The following LPL variants were observed in gnomAD, a reference collection of about 807,000 sequenced individuals.
LPL encodes phospholipase A1.
Under a neutral mutation model 52.2 loss-of-function variants are expected in LPL, and 43 were observed. The observed-to-expected ratio is 0.82, with a 90% CI of 0.64 to 1.06. The LOEUF is 1.06. LPL is among the 50% of genes least tolerant of loss of function. The pLI is 0.00. For missense variants in LPL, 639 were observed against 585.3 expected, an observed-to-expected ratio of 1.09 and a Z score of -0.95; for synonymous variants, 244 against 215.6, an observed-to-expected ratio of 1.13 and a Z score of -1.15.
chr8:19,955,006 C>T (rs144447637), intron 5 of LPL, among the ~76,000 whole-genome samples: 15 of 152,084 alleles, frequency 9.9e-5, no homozygotes, highest in Admixed American at 2.6e-4. Flanking sequence ...GCCCAGTTTA[C>T]GATTTATTTT....
chr8:19,955,546 A>C (rs577896687), intron 5 of LPL, among the ~76,000 whole-genome samples: 201 of 152,318 alleles, frequency 1.3e-3, no homozygotes, highest in Non-Finnish European at 2.4e-3. Flanking sequence ...ATAAACAAGG[A>C]AATCAACCTC....
intron 1 of LPL, among the ~76,000 whole-genome samples, chr8:19,947,019 T>A (rs1272516233): frequency 6.6e-6 from 1 of 152,126 alleles, no homozygotes; most frequent in Non-Finnish European, 1.5e-5. Context: ...TGTAATGACA[T>A]AGTGGGAAAA....
intron 9 of LPL, 53 bp downstream of exon 9, chr8:19,962,272 G>GTGCAAGCTC: frequency 7.2e-7 from 1 of 1,381,274 alleles, no homozygotes; most frequent in Non-Finnish European, 1.0e-6. Context: ...CACCCTAAGG[G>GTGCAAGCTC]AGGCAGCTTC....
intron 4 of LPL, 70 bp downstream of exon 4, chr8:19,953,491 C>A (rs2069952795): frequency 1.7e-6 from 2 of 1,209,872 alleles, no homozygotes; most frequent in Admixed American, 1.7e-5. Flanking sequence ...AGAATCAGAA[C>A]AAATTTTGTT....
chr8:19,958,315 C>A (rs2070005611), intron 6 of LPL, among the ~76,000 whole-genome samples: 1 of 152,138 alleles, frequency 6.6e-6, no homozygotes, highest in African/African-American at 2.4e-5. Context: ...AGCCACCATG[C>A]CTGGCCTCCA....
At position 19,953,365 on chromosome 8, in the gene LPL, C is replaced by T. The variant is rs2069951751; in HGVS notation, c.485C>T (p.Ala162Val). The change falls in exon 4 of 10, where the codon GCC (alanine) becomes GTC (valine). Residue 162 changes from alanine (A) to valine (V), a missense_variant. Physicochemically the swap from Ala to Val is moderately conservative, Grantham distance 64. Coordinates refer to ENST00000650287, the MANE Select transcript of LPL (RefSeq NM_000237.3). ...CATCTCTTGGGATACAGCCTTGGAG[C>T]CCATGCTGCTGGCATTGCAGGAAGT... ...NVHLLGYSLG[A>V]HAAGIAGSLT... 3 of 1,613,948 alleles carry T rather than the reference C, an allele frequency of 1.9e-6. No individual in the cohort carries two copies. The highest frequency in any genetic ancestry group is 2.5e-6 in the Non-Finnish European group (3 of 1,179,864).
In LPL at chr8:19,951,822, G is replaced by C; in HGVS notation, c.303G>C (p.Lys101Asn). 2 of 1,614,166 alleles carry C rather than the reference G, an allele frequency of 1.2e-6. No individual in the cohort carries two copies. Reference sequence around the variant, plus strand: ...CAAAACTTGTGGCCGCCCTGTACAAGAGAGAACCAGACTCCAATGTCATTG... The same window carrying C: ...CAAAACTTGTGGCCGCCCTGTACAACAGAGAACCAGACTCCAATGTCATTG... ...WVPKLVAALYKREPDSNVIVV... is the reference protein window; with the variant it reads ...WVPKLVAALYNREPDSNVIVV... The change falls in exon 3 of 10, where the codon AAG becomes AAC. Residue 101 changes from lysine (K) to asparagine (N), a missense_variant. Coordinates refer to ENST00000650287, the MANE Select transcript of LPL (RefSeq NM_000237.3).
At chr8:19,941,552 T>C (rs994481074) in intron 1 of LPL, among the ~76,000 whole-genome samples, 29 of 152,210 alleles carry the variant, frequency 1.9e-4, no homozygotes, top group Non-Finnish European at 1.0e-4. Flanking sequence ...ATTAGTTTAA[T>C]TGAGTTGTAG....
intron 5 of LPL, among the ~76,000 whole-genome samples, chr8:19,955,496 C>T (rs867670701): frequency 4.6e-5 from 7 of 152,038 alleles, no homozygotes; most frequent in African/African-American, 4.8e-5. Flanking sequence ...CTAGAAGCAC[C>T]TAGAAGTGTT....
At chr8:19,961,873 C>G (rs757883454) in intron 8 of LPL, among the ~76,000 whole-genome samples, 16 of 152,148 alleles carry the variant, frequency 1.1e-4, no homozygotes, top group Admixed American at 5.9e-4. Flanking sequence ...TAAGACTGCT[C>G]TAGGCTGTCT....
At chr8:19,960,198 G>A (rs572904844) in intron 7 of LPL, among the ~76,000 whole-genome samples, 1 of 152,280 alleles carries the variant, frequency 6.6e-6, no homozygotes, top group African/African-American at 2.4e-5. Flanking sequence ...TGGTGAAGCA[G>A]AACATGCGAA....
chr8:19,957,945 C>T (rs1031135503), intron 6 of LPL, among the ~76,000 whole-genome samples: 1 of 151,584 alleles, frequency 6.6e-6, no homozygotes, highest in Non-Finnish European at 1.5e-5. Context: ...AAAAATCTGA[C>T]CAAGGATAGT....
intron 1 of LPL, among the ~76,000 whole-genome samples, chr8:19,945,477 T>G (rs114437971): frequency 0.013 from 1,982 of 152,332 alleles, 31 homozygotes; most frequent in African/African-American, 0.044. Context: ...ATCATTTTCT[T>G]TAAAAGTGAA....
intron 1 of LPL, 127 bp from the exon 2 acceptor site, chr8:19,948,053 T>C: frequency 1.0e-6 from 1 of 1,002,854 alleles, no homozygotes; most frequent in South Asian, 1.3e-5. Context: ...CCACATTCGT[T>C]TTCGAAAACA....
chr8:19,940,551 G>C (rs1459177620), intron 1 of LPL, among the ~76,000 whole-genome samples: 1 of 152,246 alleles, frequency 6.6e-6, no homozygotes, highest in Non-Finnish European at 1.5e-5. Flanking sequence ...TGCTTAATTC[G>C]AACCTCGATT....
rs887595131 is a variant in LPL, at chr8:19,948,269, G to A, written c.178G>A (p.Val60Ile). 5 of 1,613,972 alleles carry A rather than the reference G, an allele frequency of 3.1e-6. No homozygotes were observed. The highest frequency in any genetic ancestry group is 3.4e-6 in the Non-Finnish European group (4 of 1,179,994). Reference sequence around the variant, plus strand: ...GGACACTTGCCACCTCATTCCCGGAGTAGCAGAGTCCGTGGCTACCTGTCA... The same window carrying A: ...GGACACTTGCCACCTCATTCCCGGAATAGCAGAGTCCGTGGCTACCTGTCA... ...AEDTCHLIPG[V>I]AESVATCHFN... Residue 60 changes from valine to isoleucine, a missense_variant, in exon 2 of 10, where the codon GTA becomes ATA. Val to Ile is a conservative substitution (Grantham distance 29). Coordinates refer to ENST00000650287, the MANE Select transcript of LPL (RefSeq NM_000237.3).
chr8:19,964,678 G>A (rs536404013), intron 9 of LPL, among the ~76,000 whole-genome samples: 7 of 152,100 alleles, frequency 4.6e-5, no homozygotes, highest in Admixed American at 1.3e-4. Flanking sequence ...ATAGGTGCCC[G>A]TTACCATGCC....
intron 1 of LPL, among the ~76,000 whole-genome samples, chr8:19,940,520 C>T (rs2069828605): frequency 6.6e-6 from 1 of 152,242 alleles, no homozygotes; most frequent in Non-Finnish European, 1.5e-5. Context: ...TGTCTCAGAC[C>T]TGTCCGCAAT....
In LPL at chr8:19,948,306, G is replaced by A. The variant is rs1218559464; in HGVS notation, c.215G>A (p.Ser72Asn). The A allele has an allele frequency of 1.2e-6, 2 of 1,614,118 alleles. No individual in the cohort carries two copies. Among genetic ancestry groups the A allele is most frequent in the Non-Finnish European group, 1.7e-6 (2 of 1,180,012 alleles). The change falls in exon 2 of 10, where the codon AGC becomes AAC. Residue 72 changes from serine (S) to asparagine (N), a missense_variant. Coordinates refer to ENST00000650287, the MANE Select transcript of LPL (RefSeq NM_000237.3). ...ESVATCHFNH[S>N]SKTFMVIHGW... ...GTGGCTACCTGTCATTTCAATCACA[G>A]CAGCAAAACCTTCATGGTGATCCAT...
Sources: allele counts gnomAD v4.1 joint callset (sites outside exome capture counted in the v4.1 genomes callset), GRCh38; gene constraint gnomAD v4.1.1; transcripts MANE v1.5; gene names NCBI Gene and HGNC (gene_info 2026-07-23, HGNC 2026-07-21).